The following FXYD6 variants were observed in gnomAD, a reference collection of about 807,000 sequenced individuals.
FXYD6 encodes FXYD domain containing ion transport regulator 6, also known as FXYD domain-containing ion transport regulator 6.
FXYD6 carries 7 observed loss-of-function variants against 16.7 expected under a neutral mutation model. That is an observed-to-expected ratio of 0.42 (90% confidence interval 0.24 to 0.79). The LOEUF (loss-of-function observed/expected upper bound fraction) is 0.79, where lower values mean the gene tolerates loss of function less well. Ranked by LOEUF, FXYD6 falls within the 30% of genes least tolerant of loss-of-function variation. The probability of loss-of-function intolerance (pLI) is 0.28; values close to 1 mark genes in which losing one functional copy is unlikely to be tolerated. For synonymous variants in FXYD6, 49 were observed against 43.0 expected, an observed-to-expected ratio of 1.14 and a Z score of -0.54; for missense variants, 111 against 116.2, an observed-to-expected ratio of 0.95 and a Z score of 0.21.
chr11:117,839,392 G>GT (rs2056281636), intron 7 of FXYD6: 2 of 240,146 alleles, frequency 8.3e-6, no homozygotes, highest in Non-Finnish European at 1.6e-5. Flanking sequence ...ATAATAAGGT[G>GT]TTTAAAAAAA....
chr11:117,859,864 C>G (rs955119986), intron 1 of FXYD6, among the ~76,000 whole-genome samples: 1 of 152,176 alleles, frequency 6.6e-6, no homozygotes, highest in Admixed American at 6.5e-5. Flanking sequence ...CATCCTTAGT[C>G]TGGTCGTACG....
chr11:117,857,408 G>T (rs2056757404), intron 1 of FXYD6, among the ~76,000 whole-genome samples: 2 of 98,162 alleles, frequency 2.0e-5, no homozygotes, highest in South Asian at 9.1e-4. Flanking sequence ...GGAAAGAAGT[G>T]GATTTTTTTT....
chr11:117,839,869 C>A (rs756163858), intron 6 of FXYD6, 39 bp from the exon 7 acceptor site: 3 of 1,613,858 alleles, frequency 1.9e-6, no homozygotes. Context: ...TGTATAGACT[C>A]CTCACCCCCG....
Position 117,870,348 on chromosome 11 carries a change from C to G in FXYD6, c.-6+6244G>C, listed in dbSNP as rs890905694. ...CAGCAGGCTGCACGCCCCAGCAGGGCGTGATGGAGTCAGGCCAGGATGGGA... is the reference window on the plus strand; with the variant it reads ...CAGCAGGCTGCACGCCCCAGCAGGGGGTGATGGAGTCAGGCCAGGATGGGA... On this transcript the variant is annotated intron_variant, in intron 1 of 7. Coordinates refer to ENST00000526014, the MANE Select transcript of FXYD6 (RefSeq NM_022003.4). This position sits in a 1 kb window ranked among gnomAD's most constrained non-coding sequence, Gnocchi z 4.2. Among the ~76,000 whole-genome samples the G allele has an allele frequency of 1.3e-5, 2 of 152,218 alleles. No individual in the cohort carries two copies. The highest frequency in any genetic ancestry group is 6.5e-5 in the Admixed American group (1 of 15,284).
intron 1 of FXYD6, among the ~76,000 whole-genome samples, chr11:117,845,752 C>A (rs1172640363): frequency 6.6e-6 from 1 of 152,206 alleles, no homozygotes; most frequent in Non-Finnish European, 1.5e-5. Flanking sequence ...TCTTTGATCA[C>A]CACTCCCATA....
chr11:117,855,186 C>T (rs576070423), intron 1 of FXYD6, among the ~76,000 whole-genome samples: 1 of 152,244 alleles, frequency 6.6e-6, no homozygotes. Context: ...TAAGACCTGC[C>T]TTTGTATTCT....
At chr11:117,860,401 G>C (rs1404621103) in intron 1 of FXYD6, among the ~76,000 whole-genome samples, 3 of 152,204 alleles carry the variant, frequency 2.0e-5, no homozygotes, top group Non-Finnish European at 2.9e-5. Flanking sequence ...TGCGCAGAGA[G>C]CCACAATGCA....
upstream of FXYD6, chr11:117,876,764 G>C (rs949168952): frequency 3.3e-5 from 5 of 149,600 alleles, no homozygotes; most frequent in Admixed American, 6.6e-5. Context: ...GCGGGGGGGG[G>C]GCTCGCTCGG....
chr11:117,873,037 C>G (rs537633952), intron 1 of FXYD6, among the ~76,000 whole-genome samples: 105 of 152,296 alleles, frequency 6.9e-4, no homozygotes, highest in African/African-American at 2.0e-3. Context: ...AGAACCCCCC[C>G]CAACCGCCGC....
intron 5 of FXYD6, 60 bp from the exon 6 acceptor site, chr11:117,840,428 T>A: frequency 6.2e-7 from 1 of 1,610,398 alleles, no homozygotes; most frequent in South Asian, 1.1e-5. Flanking sequence ...CCAGAGAGCA[T>A]CGTTCTGCTC....
At chr11:117,871,128 C>G (rs1164335859) in intron 1 of FXYD6, among the ~76,000 whole-genome samples, 1 of 152,168 alleles carries the variant, frequency 6.6e-6, no homozygotes, top group African/African-American at 2.4e-5. Context: ...AGGAATCAGC[C>G]TCTCTCCTTT....
At chr11:117,844,483 T>C (rs995314607) in intron 1 of FXYD6, among the ~76,000 whole-genome samples, 2 of 151,960 alleles carry the variant, frequency 1.3e-5, no homozygotes, top group Non-Finnish European at 2.9e-5. Flanking sequence ...AATATATATT[T>C]TTATTTTTAT....
intron 1 of FXYD6, among the ~76,000 whole-genome samples, chr11:117,871,218 G>C (rs61901489): frequency 0.089 from 13,539 of 152,216 alleles, 795 homozygotes; most frequent in Middle Eastern, 0.16. Context: ...GCAAGTGGGA[G>C]ACTGAGGTGA....
At chr11:117,866,280 A>C (rs2057011742) in intron 1 of FXYD6, among the ~76,000 whole-genome samples, 1 of 152,108 alleles carries the variant, frequency 6.6e-6, no homozygotes. Flanking sequence ...ACACTTAAAA[A>C]TCATAGTACA....
intron 1 of FXYD6, among the ~76,000 whole-genome samples, chr11:117,855,101 G>C (rs2056692114): frequency 6.6e-6 from 1 of 152,232 alleles, no homozygotes. Flanking sequence ...AAAGCATGAT[G>C]GGGTGGGTGG....
chr11:117,841,476 C>G (rs779692715), intron 4 of FXYD6: 36 of 588,522 alleles, frequency 6.1e-5, no homozygotes, highest in Non-Finnish European at 9.1e-5. Context: ...GCACATCCCT[C>G]GCACACTAGG....
At chr11:117,858,723 C>CCCTT (rs761682132) in intron 1 of FXYD6, among the ~76,000 whole-genome samples, 8,441 of 40,984 alleles carry the variant, frequency 0.21, 1,102 homozygotes, top group Non-Finnish European at 0.25. Context: ...CTCCTTCCTT[C>CCCTT]CCTTCCTTCC....
intron 1 of FXYD6, among the ~76,000 whole-genome samples, chr11:117,853,109 G>A (rs1412984825): frequency 1.1e-4 from 16 of 152,114 alleles, no homozygotes; most frequent in Non-Finnish European, 1.5e-5. Flanking sequence ...AAATCCTTGG[G>A]GGTCAAAATC....
chr11:117,839,719 GTC>G (rs2056292187), intron 7 of FXYD6, 60 bp downstream of exon 7: 3 of 1,604,256 alleles, frequency 1.9e-6, no homozygotes, highest in East Asian at 4.5e-5. Context: ...CTGAACCCCT[GTC>G]CAGGCCCTGA....
Sources: gnomAD v4.1 joint callset for allele counts (sites outside exome capture counted in the v4.1 genomes callset) on GRCh38, gnomAD v4.1.1 for gene constraint, Gnocchi (gnomAD v3.1) non-coding constraint, MANE v1.5 for transcripts, NCBI Gene and HGNC (gene_info 2026-07-23, HGNC 2026-07-21) for gene names.